The following MICAL2 variants were observed in gnomAD, a reference collection of about 807,000 sequenced individuals.
MICAL2 encodes the protein microtubule associated monooxygenase, calponin and LIM domain containing 2, also known as [F-actin]-monooxygenase MICAL2.
MICAL2 carries 77 observed loss-of-function variants against 127.3 expected under a neutral mutation model. That is an observed-to-expected ratio of 0.60 (90% CI 0.50 to 0.73). The LOEUF (loss-of-function observed/expected upper bound fraction) is 0.73. Ranked by LOEUF, MICAL2 falls within the 30% of genes least tolerant of loss-of-function variation. The probability of loss-of-function intolerance (pLI) is 0.00; values close to 1 mark genes in which losing one functional copy is unlikely to be tolerated. For synonymous variants in MICAL2, 570 were observed against 551.1 expected, an observed-to-expected ratio of 1.03 and a Z score of -0.48; for missense variants, 1,351 against 1,434.4, an observed-to-expected ratio of 0.94 and a Z score of 0.94.
chr11:12,333,776 A>G (rs1175635387), intron 32 of MICAL2, among the ~76,000 whole-genome samples: 1 of 152,216 alleles, frequency 6.6e-6, no homozygotes, highest in Non-Finnish European at 1.5e-5. Context: ...ACTTACATTA[A>G]CATCAAAAAT....
At chr11:12,175,262 G>A (rs151232905) in intron 3 of MICAL2, among the ~76,000 whole-genome samples, 145 of 152,220 alleles carry the variant, frequency 9.5e-4, no homozygotes, top group African/African-American at 3.3e-3. Flanking sequence ...AATCACCTGA[G>A]GTCAGAAGTT....
chr11:12,120,387 C>T (rs1412124437), intron 1 of MICAL2, among the ~76,000 whole-genome samples: 1 of 152,178 alleles, frequency 6.6e-6, no homozygotes, highest in South Asian at 2.1e-4. Context: ...GGGGCATCAA[C>T]AGCCATAGGC....
intron 15 of MICAL2, among the ~76,000 whole-genome samples, chr11:12,230,039 C>T (rs1371127597): frequency 6.6e-6 from 1 of 152,182 alleles, no homozygotes; most frequent in Non-Finnish European, 1.5e-5. Context: ...TAGGTTGTTT[C>T]GTAAGGCTAC....
intron 3 of MICAL2, among the ~76,000 whole-genome samples, chr11:12,192,366 G>A (rs1395814718): frequency 6.6e-6 from 1 of 152,180 alleles, no homozygotes; most frequent in Non-Finnish European, 1.5e-5. Flanking sequence ...TGTCTGTCAA[G>A]CGATGCAAAC....
chr11:12,294,602 A>T (rs1392670429), downstream of MICAL2: 3 of 1,614,070 alleles, frequency 1.9e-6, no homozygotes, highest in Non-Finnish European at 2.5e-6. Context: ...TAAGCCTCCA[A>T]AGAAAAGAAT....
In MICAL2 at chr11:12,241,021, C is replaced by T. The variant is rs1382768650; in HGVS notation, c.2215-19C>T. ...TGTCTCCTGTGGCTGCTTTTTTGGA[C>T]TCGCCTTTCTTCTCCCAGGAACGCC... On this transcript the variant is annotated intron_variant, in intron 17 of 27. Coordinates refer to ENST00000683283, the MANE Select transcript of MICAL2 (RefSeq NM_001282663.2). 2 of 1,610,942 alleles carry T rather than the reference C, an allele frequency of 1.2e-6. No individual in the cohort carries two copies. The highest frequency in any genetic ancestry group is 1.1e-5 in the South Asian group (1 of 90,574).
intron 1 of MICAL2, among the ~76,000 whole-genome samples, chr11:12,125,700 A>G (rs866380197): frequency 6.6e-6 from 1 of 152,194 alleles, no homozygotes; most frequent in African/African-American, 2.4e-5. Flanking sequence ...ATTTGTGTAT[A>G]TATGCATAAT....
intron 29 of MICAL2, among the ~76,000 whole-genome samples, chr11:12,301,609 C>G (rs1213309101): frequency 6.6e-6 from 1 of 152,172 alleles, no homozygotes; most frequent in Admixed American, 6.5e-5. Context: ...CCAGTGTAAA[C>G]TGAGCTCAAC....
chr11:12,344,351 C>T (rs1169791985), intron 32 of MICAL2, among the ~76,000 whole-genome samples: 1 of 151,746 alleles, frequency 6.6e-6, no homozygotes, highest in African/African-American at 2.4e-5. Flanking sequence ...TACATATGAC[C>T]TCAGTCTTTG....
chr11:12,260,897 C>T (rs1863027747), intron 26 of MICAL2: 2 of 985,482 alleles, frequency 2.0e-6, no homozygotes, highest in Non-Finnish European at 2.4e-6. Context: ...ACAGATTCTA[C>T]AAACATGCAT....
chr11:12,130,179 C>A (rs1851299361), intron 1 of MICAL2, among the ~76,000 whole-genome samples: 1 of 152,194 alleles, frequency 6.6e-6, no homozygotes, highest in Admixed American at 6.5e-5. Context: ...GCATTTGGAA[C>A]TTGGTGGGGA....
intron 3 of MICAL2, among the ~76,000 whole-genome samples, chr11:12,169,378 T>TTTTATTTA (rs142205850): frequency 2.0e-5 from 3 of 151,216 alleles, no homozygotes; most frequent in African/African-American, 7.3e-5. Flanking sequence ...GCACCATCTC[T>TTTTATTTA]TTTATTTATT....
At chr11:12,319,813 TAAC>T (rs770450614) in intron 30 of MICAL2, 5 of 1,611,066 alleles carry the variant, frequency 3.1e-6, no homozygotes, top group South Asian at 1.1e-5. Context: ...CAGTTAAAGG[TAAC>T]AACACTTGAC....
At position 12,284,725 on chromosome 11, in the gene MICAL2, G is replaced by A. The variant is rs567510681; in HGVS notation, c.255-2362G>A. 2.8e-3 allele frequency among the ~76,000 whole-genome samples: 428 copies of A among 152,284 alleles called. 4 individuals are homozygous for A. The highest frequency in any genetic ancestry group is 0.024 in the Middle Eastern group (7 of 294). The stretch of plus-strand genomic sequence containing the variant: ...CTCCTTATGGAAAACATCCAGCCTG[G>A]AAAGCCCAGGCAGCCAGCAATTGGG... On this transcript the variant is annotated intron_variant, in intron 2 of 2. Transcript: ENST00000529028.
At chr11:12,171,858 G>A in intron 3 of MICAL2, among the ~76,000 whole-genome samples, 1 of 152,080 alleles carries the variant, frequency 6.6e-6, no homozygotes, top group Non-Finnish European at 1.5e-5. Context: ...ATAAAGACGT[G>A]TTGAAATTGT....
At chr11:12,352,498 G>A (rs1482277507) in intron 33 of MICAL2, among the ~76,000 whole-genome samples, 8 of 152,198 alleles carry the variant, frequency 5.3e-5, no homozygotes, top group South Asian at 2.1e-4. Flanking sequence ...CCCGGTCAAC[G>A]CACTGTAGGA....
At chr11:12,197,566 C>T (rs994675942) in intron 3 of MICAL2, 1 of 152,282 alleles carries the variant, frequency 6.6e-6, no homozygotes, top group African/African-American at 2.4e-5. Context: ...AGGTGTTCGA[C>T]TCTGCTGCTG....
At chr11:12,116,037 G>A (rs960724279) in intron 1 of MICAL2, among the ~76,000 whole-genome samples, 1 of 148,882 alleles carries the variant, frequency 6.7e-6, no homozygotes, top group African/African-American at 2.5e-5. Flanking sequence ...CTGGAGTGCA[G>A]TGGGGCCATC....
chr11:12,169,005 G>GACAAC (rs1183556688), intron 3 of MICAL2, among the ~76,000 whole-genome samples: 42 of 146,422 alleles, frequency 2.9e-4, no homozygotes, highest in African/African-American at 9.9e-4. Context: ...GACAAGACAA[G>GACAAC]ACAGTGTGGA....
Sources: allele counts gnomAD v4.1 joint callset (sites outside exome capture counted in the v4.1 genomes callset), GRCh38; gene constraint gnomAD v4.1.1; transcripts MANE v1.5; gene names NCBI Gene and HGNC (gene_info 2026-07-23, HGNC 2026-07-21).